The following MMP16 variants were observed in gnomAD, a reference collection of about 807,000 sequenced individuals.
MMP16 encodes the protein matrix metalloproteinase-16.
A neutral mutation model predicts 67.8 loss-of-function variants in MMP16; 12 were observed. That is an observed-to-expected ratio of 0.18 (90% CI 0.11 to 0.29). The LOEUF (loss-of-function observed/expected upper bound fraction) is 0.29. Ranked by LOEUF, MMP16 falls within the 10% of genes least tolerant of loss-of-function variation. The probability of loss-of-function intolerance (pLI) is 1.00; values close to 1 mark genes in which losing one functional copy is unlikely to be tolerated. For synonymous variants in MMP16, 249 were observed against 255.9 expected (o/e 0.97, Z 0.26); for missense variants, 475 against 765.7 (o/e 0.62, Z 4.48).
chr8:88,060,028 G>A (rs573566603), intron 7 of MMP16, among the ~76,000 whole-genome samples: 13 of 152,090 alleles, frequency 8.5e-5, no homozygotes, highest in African/African-American at 3.1e-4. Context: ...ATGAATGGGA[G>A]AGGGGCCAGC....
At chr8:88,099,638 C>G (rs1224776058) in intron 6 of MMP16, among the ~76,000 whole-genome samples, 1 of 151,562 alleles carries the variant, frequency 6.6e-6, no homozygotes, top group African/African-American at 2.4e-5. Context: ...ATCTAAAAGC[C>G]ACGTATCCTG....
At chr8:88,244,135 C>G (rs922094320) in intron 1 of MMP16, among the ~76,000 whole-genome samples, 1 of 151,914 alleles carries the variant, frequency 6.6e-6, no homozygotes, top group African/African-American at 2.4e-5. Flanking sequence ...ATTTTAATCA[C>G]AAACGGTTCT....
At chr8:88,211,217 A>C (rs1420164678) in intron 1 of MMP16, among the ~76,000 whole-genome samples, 1 of 152,152 alleles carries the variant, frequency 6.6e-6, no homozygotes, top group Admixed American at 6.6e-5. Flanking sequence ...GAATCTCACC[A>C]GTGTACAGGT....
chr8:88,078,297 G>T (rs1397049740), intron 6 of MMP16, among the ~76,000 whole-genome samples: 1 of 152,126 alleles, frequency 6.6e-6, no homozygotes, highest in Non-Finnish European at 1.5e-5. Flanking sequence ...AGCACTTATG[G>T]TCTTACATGT....
At chr8:88,131,029 G>A (rs1352623560) in intron 4 of MMP16, among the ~76,000 whole-genome samples, 1 of 151,642 alleles carries the variant, frequency 6.6e-6, no homozygotes, top group Non-Finnish European at 1.5e-5. Flanking sequence ...TTAATGGGAA[G>A]CAGTTGCTTC....
chr8:88,180,806 C>T (rs888657847), intron 3 of MMP16, among the ~76,000 whole-genome samples: 2 of 152,012 alleles, frequency 1.3e-5, no homozygotes, highest in African/African-American at 4.8e-5. Flanking sequence ...GTCAGCAAAT[C>T]AAATAGAATA....
intron 1 of MMP16, among the ~76,000 whole-genome samples, chr8:88,284,116 T>G (rs1213178181): frequency 6.6e-6 from 1 of 152,232 alleles, no homozygotes; most frequent in Non-Finnish European, 1.5e-5. Context: ...GTATTGTCTT[T>G]ACTTGTTCTA....
At chr8:88,114,322 C>T (rs957214602) in intron 6 of MMP16, among the ~76,000 whole-genome samples, 5 of 151,786 alleles carry the variant, frequency 3.3e-5, no homozygotes, top group African/African-American at 1.2e-4. Flanking sequence ...CCACCCACTT[C>T]TTTAACATGC....
In MMP16 at chr8:88,323,512, C is replaced by T. The variant is rs191676708; in HGVS notation, c.132+3563G>A. 2.0e-5 allele frequency among the ~76,000 whole-genome samples: 3 copies of T among 152,114 alleles called. No individual in the cohort carries two copies. In the East Asian group the frequency reaches 5.8e-4, roughly 29 times the overall value. ...TCAGGAACAACAAAATCAATTTTTG[C>T]CTTATCAAGACTTTTTTTGTCACAA... is the stretch of plus-strand genomic sequence containing the variant. On this transcript the variant is annotated intron_variant, in intron 1 of 9. Coordinates refer to ENST00000286614, the MANE Select transcript of MMP16 (RefSeq NM_005941.5).
At chr8:88,088,132 C>G (rs1258055848) in intron 6 of MMP16, among the ~76,000 whole-genome samples, 1 of 81,616 alleles carries the variant, frequency 1.2e-5, no homozygotes, top group African/African-American at 4.7e-5. Flanking sequence ...CGTCTGACTG[C>G]GATCATGTAC....
At chr8:88,072,998 CAG>C (rs976523155) in intron 7 of MMP16, among the ~76,000 whole-genome samples, 1 of 152,134 alleles carries the variant, frequency 6.6e-6, no homozygotes, top group African/African-American at 2.4e-5. Context: ...AAAGAGCTGT[CAG>C]AACACGAATT....
chr8:88,240,196 TG>T (rs1425626261), intron 1 of MMP16, among the ~76,000 whole-genome samples: 1 of 152,232 alleles, frequency 6.6e-6, no homozygotes, highest in Non-Finnish European at 1.5e-5. Context: ...TAAGGTCAAC[TG>T]GTCACTAACC....
At chr8:88,225,020 CCTGA>C (rs1198987476) in intron 1 of MMP16, among the ~76,000 whole-genome samples, 3 of 151,892 alleles carry the variant, frequency 2.0e-5, no homozygotes, top group Admixed American at 1.3e-4. Context: ...TGAAATAAAT[CCTGA>C]CTAACACTTC....
intron 7 of MMP16, among the ~76,000 whole-genome samples, chr8:88,059,920 A>T (rs973080790): frequency 2.0e-5 from 3 of 151,834 alleles, no homozygotes; most frequent in African/African-American, 7.3e-5. Flanking sequence ...GGAAGCAGAT[A>T]TTAAGAGGAG....
intron 1 of MMP16, among the ~76,000 whole-genome samples, chr8:88,294,646 C>T (rs1810985385): frequency 6.6e-6 from 1 of 151,890 alleles, no homozygotes; most frequent in South Asian, 2.1e-4. Context: ...TACATATAGA[C>T]ATATATAAAC....
At chr8:88,095,347 A>T (rs767271952) in intron 6 of MMP16, among the ~76,000 whole-genome samples, 6 of 151,604 alleles carry the variant, frequency 4.0e-5, no homozygotes, top group Non-Finnish European at 7.4e-5. Context: ...AAGTACTAAG[A>T]GTCCTGGATT....
intron 6 of MMP16, among the ~76,000 whole-genome samples, chr8:88,110,229 A>G (rs1809311282): frequency 6.6e-6 from 1 of 151,482 alleles, no homozygotes; most frequent in Non-Finnish European, 1.5e-5. Context: ...AACTGAGTCC[A>G]TTCTTACTGA....
chr8:88,250,907 C>T (rs902078567), intron 1 of MMP16, among the ~76,000 whole-genome samples: 1 of 151,198 alleles, frequency 6.6e-6, no homozygotes, highest in Non-Finnish European at 1.5e-5. Flanking sequence ...AGTTATATCT[C>T]CCAATGCTAT....
rs1257358161 is a variant in MMP16 at position 88,087,298 on chromosome 8, CA to C, written c.1084-12556del. 9.9e-5 allele frequency among the ~76,000 whole-genome samples: 15 copies of C among 151,880 alleles called. No homozygotes were observed. The East Asian group carries it at 1.4e-3, about 14-fold the overall frequency. ...GCTTTCTCTCTCTTTCTTTAAGGTA[CA>C]ATCTAGGCTTCACCTCCTCTGGGGA... is the stretch of plus-strand genomic sequence containing the variant. On this transcript the variant is annotated intron_variant, in intron 6 of 9. Coordinates refer to ENST00000286614, the MANE Select transcript of MMP16 (RefSeq NM_005941.5).
Sources: gnomAD v4.1 joint callset for allele counts (sites outside exome capture counted in the v4.1 genomes callset) on GRCh38, gnomAD v4.1.1 for gene constraint, MANE v1.5 for transcripts, NCBI Gene and HGNC (gene_info 2026-07-23, HGNC 2026-07-21) for gene names.